Variants in DLG2 observed in about 807,000 individuals in gnomAD.
The protein encoded by DLG2 is disks large homolog 2.
DLG2 carries 45 observed loss-of-function variants against 132.5 expected under a neutral mutation model. The observed-to-expected ratio is 0.34, with a 90% confidence interval of 0.27 to 0.44. The LOEUF is 0.44. DLG2 is among the 20% of genes least tolerant of loss of function. The pLI is 1.00. For missense variants in DLG2, 1,045 were observed against 1,196.9 expected (o/e 0.87, Z 1.87); for synonymous variants, 424 against 419.6 (o/e 1.01, Z -0.13).
intron 4 of DLG2, among the ~76,000 whole-genome samples, chr11:85,257,523 C>G (rs1213956434): frequency 6.6e-6 from 1 of 152,144 alleles, no homozygotes; most frequent in East Asian, 1.9e-4. Flanking sequence ...ATTCATCAGA[C>G]TTTGCCATTG....
chr11:84,263,449 A>C (rs375116719), intron 7 of DLG2, among the ~76,000 whole-genome samples: 3 of 152,156 alleles, frequency 2.0e-5, no homozygotes, highest in African/African-American at 7.2e-5. Flanking sequence ...AAATCTATAT[A>C]TGGTCCTGTT....
intron 6 of DLG2, among the ~76,000 whole-genome samples, chr11:84,921,172 C>T (rs1202311212): frequency 2.6e-5 from 4 of 151,748 alleles, no homozygotes; most frequent in Non-Finnish European, 5.9e-5. Flanking sequence ...AATAATAGAC[C>T]GCAAATGAAC....
At chr11:84,290,943 A>G (rs1567193075) in intron 7 of DLG2, among the ~76,000 whole-genome samples, 1 of 152,132 alleles carries the variant, frequency 6.6e-6, no homozygotes, top group Non-Finnish European at 1.5e-5. Context: ...AAAAATGGGG[A>G]AGAAAAGTAA....
At chr11:84,083,095 C>T (rs2154157929) in intron 10 of DLG2, among the ~76,000 whole-genome samples, 1 of 152,160 alleles carries the variant, frequency 6.6e-6, no homozygotes, top group African/African-American at 2.4e-5. Flanking sequence ...GCCTGGCTAA[C>T]ATGGTAAAAC....
chr11:84,582,721 G>A (rs2099519640), intron 6 of DLG2, among the ~76,000 whole-genome samples: 2 of 151,976 alleles, frequency 1.3e-5, no homozygotes, highest in African/African-American at 4.8e-5. Context: ...AAACTGAGGA[G>A]TGACTTTACA....
At chr11:83,905,542 AG>A (rs1487719704) in intron 15 of DLG2, among the ~76,000 whole-genome samples, 1 of 152,194 alleles carries the variant, frequency 6.6e-6, no homozygotes, top group Non-Finnish European at 1.5e-5. Flanking sequence ...CAAAGGGATG[AG>A]GTCTACTTTG....
At chr11:84,368,294 G>A (rs535310432) in intron 7 of DLG2, among the ~76,000 whole-genome samples, 2 of 151,598 alleles carry the variant, frequency 1.3e-5, no homozygotes, top group African/African-American at 4.8e-5. Context: ...TTTTTTCCCA[G>A]CATATCACAA....
At chr11:85,545,705 G>T (rs533545915) in intron 3 of DLG2, among the ~76,000 whole-genome samples, 3 of 152,224 alleles carry the variant, frequency 2.0e-5, no homozygotes, top group Non-Finnish European at 2.9e-5. Flanking sequence ...CTTCTTCCTG[G>T]TTTAGTCTTG....
intron 6 of DLG2, among the ~76,000 whole-genome samples, chr11:85,096,021 CA>C (rs1192987403): frequency 6.6e-6 from 1 of 152,064 alleles, no homozygotes; most frequent in African/African-American, 2.4e-5. Context: ...AAAATAGCAC[CA>C]ATCAGCACTC....
At chr11:85,354,453 T>A (rs2083534482) in intron 3 of DLG2, among the ~76,000 whole-genome samples, 1 of 152,148 alleles carries the variant, frequency 6.6e-6, no homozygotes, top group African/African-American at 2.4e-5. Context: ...TGTCACCTTC[T>A]TATAAAGTCA....
At chr11:85,232,578 C>T (rs1595572146) in intron 4 of DLG2, among the ~76,000 whole-genome samples, 1 of 151,972 alleles carries the variant, frequency 6.6e-6, no homozygotes, top group East Asian at 1.9e-4. Flanking sequence ...GTCATCTGGA[C>T]AAGCTAAGTA....
intron 19 of DLG2, among the ~76,000 whole-genome samples, chr11:83,568,783 C>G (rs1306247220): frequency 6.6e-6 from 1 of 152,146 alleles, no homozygotes; most frequent in African/African-American, 2.4e-5. Flanking sequence ...TCATCCCCTC[C>G]CAGGTTGTCA....
chr11:84,220,829 T>C (rs1407917513), intron 8 of DLG2, among the ~76,000 whole-genome samples: 3 of 97,212 alleles, frequency 3.1e-5, no homozygotes, highest in Non-Finnish European at 6.1e-5. Context: ...TTACCCAGGC[T>C]GAAATTCAGT....
intron 4 of DLG2, among the ~76,000 whole-genome samples, chr11:85,272,161 A>G (rs1490993120): frequency 6.6e-6 from 1 of 152,144 alleles, no homozygotes; most frequent in Non-Finnish European, 1.5e-5. Context: ...AGGTCTCACA[A>G]GACTTGATGG....
At chr11:85,251,535 A>G (rs2076395825) in intron 4 of DLG2, among the ~76,000 whole-genome samples, 1 of 152,152 alleles carries the variant, frequency 6.6e-6, no homozygotes, top group South Asian at 2.1e-4. Context: ...TCATCTTAAA[A>G]CACCCTAAAA....
chr11:83,519,471 G>T (rs1018545562), intron 21 of DLG2, among the ~76,000 whole-genome samples: 1 of 152,034 alleles, frequency 6.6e-6, no homozygotes, highest in African/African-American at 2.4e-5. Flanking sequence ...TGTTTTTTAT[G>T]TATTTAGGTA....
chr11:84,798,843 C>T (rs1382287415), intron 6 of DLG2, among the ~76,000 whole-genome samples: 1 of 152,158 alleles, frequency 6.6e-6, no homozygotes, highest in Non-Finnish European at 1.5e-5. Context: ...TCCCTTCTGG[C>T]CCAGAATGTG....
intron 3 of DLG2, among the ~76,000 whole-genome samples, chr11:85,586,892 GTGTCACT>G (rs1046189448): frequency 2.0e-5 from 3 of 152,152 alleles, no homozygotes; most frequent in Admixed American, 2.0e-4. Context: ...TTGACAAGCT[GTGTCACT>G]ACTATTGTTC....
chr11:84,764,658 G>A (rs1395636231), intron 6 of DLG2, among the ~76,000 whole-genome samples: 1 of 152,018 alleles, frequency 6.6e-6, no homozygotes, highest in African/African-American at 2.4e-5. Flanking sequence ...TACACAAATA[G>A]AAGAGCATAT....
Sources: allele counts gnomAD v4.1 joint callset (sites outside exome capture counted in the v4.1 genomes callset), GRCh38; gene constraint gnomAD v4.1.1; transcripts MANE v1.5; gene names NCBI Gene and HGNC (gene_info 2026-07-23, HGNC 2026-07-21).